DLGAP2: variants seen among roughly 807,000 people sequenced by gnomAD.
DLGAP2 encodes DLG associated protein 2, also known as disks large-associated protein 2.
In DLGAP2, 26 loss-of-function variants were observed where a neutral mutation model predicts 100.3. The observed-to-expected ratio is 0.26, with a 90% CI of 0.19 to 0.36. The LOEUF (loss-of-function observed/expected upper bound fraction) is 0.36. Among genes scored for constraint, DLGAP2 ranks in the 10% least tolerant of loss-of-function variants. DLGAP2 has a pLI of 1.00. For synonymous variants in DLGAP2, 886 were observed against 630.1 expected, an observed-to-expected ratio of 1.41 and a Z score of -6.08; for missense variants, 1,858 against 1,453.2, an observed-to-expected ratio of 1.28 and a Z score of -4.53.
intron 1 of DLGAP2, among the ~76,000 whole-genome samples, chr8:760,943 A>G (rs1296152331): frequency 2.6e-5 from 4 of 152,106 alleles, no homozygotes; most frequent in Non-Finnish European, 5.9e-5. Context: ...TGAGAGGAAG[A>G]ATATTCCAAT....
intron 3 of DLGAP2, among the ~76,000 whole-genome samples, chr8:1,332,701 C>T (rs1801186476): frequency 6.6e-6 from 1 of 152,216 alleles, no homozygotes; most frequent in Middle Eastern, 3.2e-3. Flanking sequence ...ACTCAGAATT[C>T]ACGTCTGAGT....
intron 2 of DLGAP2, among the ~76,000 whole-genome samples, chr8:1,033,337 G>A (rs536054889): frequency 3.9e-4 from 60 of 152,280 alleles, no homozygotes; most frequent in Admixed American, 1.4e-3. Context: ...TCTGTCTCAA[G>A]AAGGGAGAAA....
chr8:1,540,323 A>C (rs140081913), intron 4 of DLGAP2, among the ~76,000 whole-genome samples: 2 of 152,056 alleles, frequency 1.3e-5, no homozygotes, highest in Non-Finnish European at 2.9e-5. Context: ...CCACCACCCA[A>C]CTGAAGGCTT....
intron 2 of DLGAP2, among the ~76,000 whole-genome samples, chr8:1,230,184 A>G (rs12155951): frequency 0.28 from 42,262 of 150,782 alleles, 6,258 homozygotes; most frequent in East Asian, 0.57. Flanking sequence ...TACAAAATCA[A>G]TGTACAAAAA....
intron 2 of DLGAP2, among the ~76,000 whole-genome samples, chr8:972,449 CA>C (rs1316981812): frequency 2.6e-5 from 4 of 152,024 alleles, no homozygotes; most frequent in African/African-American, 9.7e-5. Flanking sequence ...CTAAGAAAAT[CA>C]AAGATAAAAA....
At chr8:847,410 A>T (rs553442752) in intron 1 of DLGAP2, among the ~76,000 whole-genome samples, 226 of 152,280 alleles carry the variant, frequency 1.5e-3, no homozygotes, top group South Asian at 6.4e-3. Context: ...ATTGAGATAT[A>T]TTTTACACTT....
At chr8:1,576,939 C>T (rs1803004525) in intron 6 of DLGAP2, among the ~76,000 whole-genome samples, 1 of 152,094 alleles carries the variant, frequency 6.6e-6, no homozygotes, top group Non-Finnish European at 1.5e-5. Context: ...CTTATGGAAA[C>T]AAAAAAGAGC....
chr8:1,382,530 G>C (rs1228220438), intron 3 of DLGAP2, among the ~76,000 whole-genome samples: 4 of 152,200 alleles, frequency 2.6e-5, no homozygotes, highest in Non-Finnish European at 5.9e-5. Flanking sequence ...GAGCCCAGGA[G>C]TTTGAGACCA....
At chr8:847,750 G>A (rs747578275) in intron 1 of DLGAP2, among the ~76,000 whole-genome samples, 6 of 152,202 alleles carry the variant, frequency 3.9e-5, no homozygotes, top group Non-Finnish European at 8.8e-5. Flanking sequence ...CAAGTGATCC[G>A]CCTACCTCGG....
chr8:767,546 G>T (rs182077791), intron 1 of DLGAP2, among the ~76,000 whole-genome samples: 2 of 151,910 alleles, frequency 1.3e-5, no homozygotes, highest in Non-Finnish European at 2.9e-5. Context: ...TAGTAGAGAC[G>T]GGGTTTCACC....
At chr8:1,174,979 C>G (rs914686531) in intron 2 of DLGAP2, among the ~76,000 whole-genome samples, 5 of 152,096 alleles carry the variant, frequency 3.3e-5, no homozygotes, top group African/African-American at 1.2e-4. Flanking sequence ...CTAGTTCCCC[C>G]AAGAATGAAA....
chr8:839,764 C>T lies in DLGAP2; in HGVS notation c.19-68148C>T, dbSNP rs991202170. On this transcript the variant is annotated intron_variant, in intron 1 of 14. Transcript: ENST00000637795. ...ACTTCTTCATGTTTATTCACCGTTT[C>T]ATCACCCACATGGGCATTCCCTGCC... Among the ~76,000 whole-genome samples, 3 of 152,222 alleles carry T rather than the reference C, an allele frequency of 2.0e-5. No homozygotes were observed. The South Asian group carries it at 6.2e-4, about 32-fold the overall frequency.
intron 3 of DLGAP2, among the ~76,000 whole-genome samples, chr8:1,476,939 C>T (rs975940560): frequency 3.9e-5 from 6 of 152,102 alleles, no homozygotes; most frequent in African/African-American, 7.2e-5. Flanking sequence ...AGCCACCCAC[C>T]AGCCTGTTCT....
At chr8:1,478,432 A>G (rs1392796476) in intron 3 of DLGAP2, among the ~76,000 whole-genome samples, 1 of 152,192 alleles carries the variant, frequency 6.6e-6, no homozygotes, top group African/African-American at 2.4e-5. Flanking sequence ...CGGTGTGAAG[A>G]GCATGCTTTC....
chr8:1,363,521 G>A (rs1802034521), intron 3 of DLGAP2, among the ~76,000 whole-genome samples: 1 of 152,230 alleles, frequency 6.6e-6, no homozygotes, highest in Non-Finnish European at 1.5e-5. Context: ...GGAGCTCAGG[G>A]CACGTTTCCC....
intron 2 of DLGAP2, among the ~76,000 whole-genome samples, chr8:1,150,108 G>A (rs56399124): frequency 1.3e-5 from 2 of 152,214 alleles, no homozygotes; most frequent in South Asian, 2.1e-4. Flanking sequence ...TTTTTCTGGG[G>A]TTGTTTTGTT....
chr8:984,973 A>G (rs891221928), intron 2 of DLGAP2, among the ~76,000 whole-genome samples: 5 of 152,222 alleles, frequency 3.3e-5, no homozygotes, highest in African/African-American at 4.8e-5. Flanking sequence ...ATTTATCTAA[A>G]TGCTAAGCTT....
At chr8:1,327,838 C>G (rs1011931992) in intron 3 of DLGAP2, among the ~76,000 whole-genome samples, 37 of 152,114 alleles carry the variant, frequency 2.4e-4, no homozygotes, top group Middle Eastern at 3.4e-3. Flanking sequence ...AGGGAGACTC[C>G]GTCTCAAAAA....
At chr8:767,348 GTTTTTTTTTTT>G (rs35944301) in intron 1 of DLGAP2, among the ~76,000 whole-genome samples, 1 of 117,934 alleles carries the variant, frequency 8.5e-6, no homozygotes, top group Admixed American at 9.2e-5. Context: ...GCTGTTGACT[GTTTTTTTTTTT>G]TTTTTTTTTG....
Sources: allele counts gnomAD v4.1 joint callset (sites outside exome capture counted in the v4.1 genomes callset), GRCh38; gene constraint gnomAD v4.1.1; transcripts MANE v1.5; gene names NCBI Gene and HGNC (gene_info 2026-07-23, HGNC 2026-07-21).